The following CFAP20DC variants were observed in gnomAD, a reference collection of about 807,000 sequenced individuals.
CFAP20DC encodes protein CFAP20DC.
Under a neutral mutation model 101.7 loss-of-function variants are expected in CFAP20DC, and 84 were observed. The ratio of observed to expected loss-of-function variants is 0.83; its 90% CI spans 0.69 to 0.99. The LOEUF (loss-of-function observed/expected upper bound fraction) is 0.99. Ranked by LOEUF, CFAP20DC falls within the 50% of genes least tolerant of loss-of-function variation. The pLI is 0.00. For missense variants in CFAP20DC, 1,007 were observed against 970.3 expected, an observed-to-expected ratio of 1.04 and a Z score of -0.50; for synonymous variants, 359 against 351.2, an observed-to-expected ratio of 1.02 and a Z score of -0.25.
At chr3:59,011,116 G>A (rs987582836) in intron 4 of CFAP20DC, among the ~76,000 whole-genome samples, 1 of 152,164 alleles carries the variant, frequency 6.6e-6, no homozygotes, top group Non-Finnish European at 1.5e-5. Flanking sequence ...GTCTGAATGA[G>A]GCCAGGCATG....
At chr3:58,887,105 T>C (rs968939717) in intron 6 of CFAP20DC, among the ~76,000 whole-genome samples, 84 of 152,344 alleles carry the variant, frequency 5.5e-4, no homozygotes, top group Non-Finnish European at 9.4e-4. Flanking sequence ...TAAATACTCA[T>C]CAGCAATGCA....
chr3:58,952,658 C>T (rs1226264440), intron 4 of CFAP20DC, among the ~76,000 whole-genome samples: 3 of 151,850 alleles, frequency 2.0e-5, no homozygotes, highest in Admixed American at 6.6e-5. Flanking sequence ...GCTATGACAT[C>T]TTTTATTCTG....
chr3:58,979,930 T>C (rs759755953), intron 4 of CFAP20DC, among the ~76,000 whole-genome samples: 1 of 152,078 alleles, frequency 6.6e-6, no homozygotes, highest in Non-Finnish European at 1.5e-5. Flanking sequence ...TAAGTTCCAG[T>C]GTCAAATGAT....
chr3:59,024,514 A>G (rs1412238826), intron 4 of CFAP20DC, among the ~76,000 whole-genome samples: 1 of 152,140 alleles, frequency 6.6e-6, no homozygotes, highest in Non-Finnish European at 1.5e-5. Context: ...TGTAAGTGCT[A>G]TTGTAAGATA....
chr3:58,721,287 C>T lies in CFAP20DC; in HGVS notation c.198-3659G>A, dbSNP rs2067469631. On this transcript the variant is annotated intron_variant, in intron 3 of 3. Coordinates refer to the CFAP20DC transcript ENST00000486145. The surrounding 1 kb of genome is among the most constrained non-coding windows in gnomAD (Gnocchi z 5.2). ...CCTTATCTGGGCCAGGGATTGTGTA[C>T]TTCTGGGTGCATGTGTTGGGGCAGG... 6.6e-6 allele frequency among the ~76,000 whole-genome samples: 1 copy of T among 152,168 alleles called. No individual in the cohort carries two copies.
intron 5 of CFAP20DC, among the ~76,000 whole-genome samples, chr3:58,917,449 G>A (rs2084859445): frequency 1.3e-5 from 2 of 152,110 alleles, no homozygotes; most frequent in African/African-American, 4.8e-5. Flanking sequence ...TACTAACAGT[G>A]CACAGTTCTA....
At chr3:58,881,133 T>G (rs1476774404) in intron 7 of CFAP20DC, among the ~76,000 whole-genome samples, 1 of 152,126 alleles carries the variant, frequency 6.6e-6, no homozygotes, top group Non-Finnish European at 1.5e-5. Context: ...TTATTTCATG[T>G]TTTTTTGCTC....
intron 3 of CFAP20DC, among the ~76,000 whole-genome samples, chr3:59,044,839 C>T (rs145759014): frequency 3.4e-3 from 524 of 152,204 alleles, no homozygotes; most frequent in Non-Finnish European, 5.5e-3. Context: ...ATCTACATGT[C>T]TTACAAAACC....
chr3:59,024,558 C>A (rs1046630750), intron 4 of CFAP20DC, among the ~76,000 whole-genome samples: 1 of 152,080 alleles, frequency 6.6e-6, no homozygotes, highest in African/African-American at 2.4e-5. Context: ...GCCATTCTAT[C>A]AGTCATTTCT....
chr3:58,826,809 A>T (rs928224111), intron 14 of CFAP20DC, among the ~76,000 whole-genome samples: 1 of 152,166 alleles, frequency 6.6e-6, no homozygotes, highest in Non-Finnish European at 1.5e-5. Context: ...GGATAGTGGT[A>T]ACAGTGGTTG....
intron 16 of CFAP20DC, among the ~76,000 whole-genome samples, chr3:58,746,813 T>A (rs747313939): frequency 7.9e-5 from 12 of 152,194 alleles, no homozygotes; most frequent in Non-Finnish European, 1.5e-4. Context: ...GTAAGTGCTT[T>A]AAGCTTACAT....
At position 58,764,103 on chromosome 3, in the gene CFAP20DC, C is replaced by G. The variant is rs575836699; in HGVS notation, c.2238-10240G>C. 3.3e-5 allele frequency among the ~76,000 whole-genome samples: 5 copies of G among 152,306 alleles called. No homozygotes were observed. In the South Asian group the frequency reaches 8.3e-4, roughly 25 times the overall value. On this transcript the variant is annotated intron_variant, in intron 15 of 16. Transcript: ENST00000482387. ...TTAAGTCTCCAGAGGTTTCTGCTGC[C>G]TTTTGTTTGGCTATGCCCTGCCCCC...
At chr3:58,902,394 G>A (rs936329237) in intron 6 of CFAP20DC, among the ~76,000 whole-genome samples, 2 of 152,128 alleles carry the variant, frequency 1.3e-5, no homozygotes, top group Non-Finnish European at 2.9e-5. Flanking sequence ...GCGGGTGAAC[G>A]ATTTTATGTT....
intron 15 of CFAP20DC, among the ~76,000 whole-genome samples, chr3:58,778,479 C>A (rs967608776): frequency 1.3e-5 from 2 of 152,216 alleles, no homozygotes; most frequent in African/African-American, 4.8e-5. Flanking sequence ...TACTGCTCAA[C>A]CCCTTGCAGC....
chr3:58,827,315 A>G (rs573287905), intron 14 of CFAP20DC, among the ~76,000 whole-genome samples: 1 of 151,572 alleles, frequency 6.6e-6, no homozygotes, highest in Non-Finnish European at 1.5e-5. Flanking sequence ...GCTGCCAGAC[A>G]GAGAAGAGAT....
Position 58,721,807 on chromosome 3 carries a change from A to T in CFAP20DC, c.198-4179T>A, listed in dbSNP as rs2067477140. ...CTCAACACATTCCTTTCAGAGAACC[A>T]GGGCAGGAATCCAAAGTGGAGACCA... On this transcript the variant is annotated intron_variant, in intron 3 of 3. Transcript: ENST00000486145. This position sits in a 1 kb window ranked among gnomAD's most constrained non-coding sequence, Gnocchi z 5.2. 6.6e-6 allele frequency among the ~76,000 whole-genome samples: 1 copy of T among 152,198 alleles called. No homozygotes were observed. Among genetic ancestry groups the T allele is most frequent in the South Asian group, 2.1e-4 (1 of 4,830 alleles).
chr3:58,843,684 G>A (rs892741099), intron 13 of CFAP20DC, among the ~76,000 whole-genome samples: 2 of 150,714 alleles, frequency 1.3e-5, no homozygotes, highest in Admixed American at 6.6e-5. Flanking sequence ...TACTCCTCGA[G>A]AAGAGCAACT....
At chr3:58,927,499 G>A (rs79012155) in intron 5 of CFAP20DC, among the ~76,000 whole-genome samples, 5 of 152,324 alleles carry the variant, frequency 3.3e-5, no homozygotes, top group East Asian at 1.9e-4. Context: ...TCTTAGAAGT[G>A]TGCCATTACT....
At chr3:58,966,453 A>C (rs1042650242) in intron 4 of CFAP20DC, among the ~76,000 whole-genome samples, 11 of 151,172 alleles carry the variant, frequency 7.3e-5, no homozygotes, top group Admixed American at 2.6e-4. Context: ...ACTACAAAAT[A>C]TCATTGAAAT....
Sources: allele counts gnomAD v4.1 joint callset (sites outside exome capture counted in the v4.1 genomes callset), GRCh38; gene constraint gnomAD v4.1.1; non-coding constraint Gnocchi (gnomAD v3.1); transcripts MANE v1.5; gene names NCBI Gene and HGNC (gene_info 2026-07-23, HGNC 2026-07-21).